Variants in ERGIC1 observed in about 807,000 individuals in gnomAD.
ERGIC1 encodes the protein endoplasmic reticulum-golgi intermediate compartment 1.
Under a neutral mutation model 38.3 loss-of-function variants are expected in ERGIC1, and 19 were observed. The ratio of observed to expected loss-of-function variants is 0.50; its 90% confidence interval spans 0.35 to 0.73. The LOEUF is 0.73. Among genes scored for constraint, ERGIC1 ranks in the 30% least tolerant of loss-of-function variants. The pLI, the probability that ERGIC1 is intolerant of heterozygous loss-of-function variation, is 0.01. For synonymous variants in ERGIC1, 124 were observed against 157.6 expected (o/e 0.79, Z 1.60); for missense variants, 294 against 389.2 (o/e 0.76, Z 2.06).
intron 1 of ERGIC1, among the ~76,000 whole-genome samples, chr5:172,851,662 TG>T (rs540286364): frequency 2.3e-4 from 35 of 151,420 alleles, no homozygotes; most frequent in African/African-American, 7.5e-4. Flanking sequence ...GACAGGGAGG[TG>T]GGGGGGTATG....
chr5:172,926,605 A>G lies in ERGIC1; in HGVS notation c.541+36A>G, dbSNP rs1250400086. ...CTGCTGGGAACAGCCTTCTGCTCCA[A>G]GATGCCCAGTACAGCAGGCAGGGAG... On this transcript the variant is annotated intron_variant, in intron 7 of 9. Transcript: ENST00000393784. This position sits in a 1 kb window ranked among gnomAD's most constrained non-coding sequence, Gnocchi z 5.2. The G allele has an allele frequency of 6.2e-7, 1 of 1,607,588 alleles. No individual in the cohort carries two copies. The highest frequency in any genetic ancestry group is 8.5e-7 in the Non-Finnish European group (1 of 1,178,936).
chr5:172,877,038 A>G (rs1023640784), intron 1 of ERGIC1, among the ~76,000 whole-genome samples: 2 of 152,198 alleles, frequency 1.3e-5, no homozygotes, highest in Non-Finnish European at 2.9e-5. Context: ...TGCCTAACCT[A>G]AACTTACAAA....
intron 3 of ERGIC1, among the ~76,000 whole-genome samples, chr5:172,902,266 G>A (rs566131849): frequency 6.4e-4 from 97 of 152,178 alleles, no homozygotes; most frequent in Non-Finnish European, 1.0e-3. Context: ...TGGAGGTCAC[G>A]GTGTTCTCAC....
At chr5:172,863,452 C>G (rs1761770718) in intron 1 of ERGIC1, among the ~76,000 whole-genome samples, 1 of 152,146 alleles carries the variant, frequency 6.6e-6, no homozygotes, top group Non-Finnish European at 1.5e-5. Flanking sequence ...GCGCAGCCTC[C>G]CAGAACCACC....
intron 3 of ERGIC1, among the ~76,000 whole-genome samples, chr5:172,908,971 C>T (rs997690371): frequency 6.6e-6 from 1 of 152,098 alleles, no homozygotes; most frequent in Non-Finnish European, 1.5e-5. Flanking sequence ...TTATAAGACC[C>T]CTATTTCTCA....
chr5:172,913,532 T>C (rs1264737975), intron 4 of ERGIC1, among the ~76,000 whole-genome samples: 5 of 152,352 alleles, frequency 3.3e-5, no homozygotes, highest in African/African-American at 1.2e-4. Flanking sequence ...CACTTACTTC[T>C]CTGTCCTCAT....
At chr5:172,850,559 G>A (rs1761379202) in intron 1 of ERGIC1, among the ~76,000 whole-genome samples, 1 of 152,292 alleles carries the variant, frequency 6.6e-6, no homozygotes, top group South Asian at 2.1e-4. Context: ...GGACCTGGGT[G>A]CTGATCCTAG....
chr5:172,856,184 G>A (rs1761544388), intron 1 of ERGIC1, among the ~76,000 whole-genome samples: 1 of 152,192 alleles, frequency 6.6e-6, no homozygotes, highest in African/African-American at 2.4e-5. Flanking sequence ...ATTCCTGTGA[G>A]AGGCTGGACT....
rs1203706049 is a variant in ERGIC1, at chr5:172,896,991, G to A, written c.83-11G>A. On this transcript the variant is annotated splice_polypyrimidine_tract_variant and intron_variant, in intron 2 of 9. Transcript: ENST00000393784. ...ACCCTTAACAGTTTGCATTTCTGTT[G>A]TTTCTTCCAGTCTCCATCTGCTGCT... 6.2e-7 allele frequency: 1 copy of A among 1,613,962 alleles called. No homozygotes were observed. Among genetic ancestry groups the A allele is most frequent in the Admixed American group, 1.7e-5 (1 of 60,008 alleles).
chr5:172,940,658 A>G (rs1003813283), intron 9 of ERGIC1, among the ~76,000 whole-genome samples: 3 of 152,092 alleles, frequency 2.0e-5, no homozygotes, highest in Non-Finnish European at 4.4e-5. Flanking sequence ...ACACCCTCCC[A>G]TTGCGTGCTA....
chr5:172,920,477 A>G, intron 5 of ERGIC1: 1 of 717,542 alleles, frequency 1.4e-6, no homozygotes, highest in Non-Finnish European at 2.6e-6. Flanking sequence ...GGAGGAGGAC[A>G]GGATGGGGTG....
intron 1 of ERGIC1, among the ~76,000 whole-genome samples, chr5:172,856,751 A>G (rs1400699541): frequency 6.6e-6 from 1 of 152,230 alleles, no homozygotes; most frequent in Admixed American, 6.5e-5. Flanking sequence ...CTCCCTGCTG[A>G]GATGACTGCG....
chr5:172,885,747 C>T (rs1321382790), intron 1 of ERGIC1, among the ~76,000 whole-genome samples: 1 of 151,934 alleles, frequency 6.6e-6, no homozygotes, highest in Non-Finnish European at 1.5e-5. Context: ...ACCCACATGC[C>T]CTCCCCACTG....
chr5:172,929,709 A>G (rs971559243), intron 7 of ERGIC1, among the ~76,000 whole-genome samples: 3 of 152,180 alleles, frequency 2.0e-5, no homozygotes, highest in African/African-American at 7.2e-5. Flanking sequence ...TGAGCATGGT[A>G]ACTGCCCAAG....
chr5:172,844,011 C>T (rs188727624), intron 1 of ERGIC1, among the ~76,000 whole-genome samples: 4 of 152,298 alleles, frequency 2.6e-5, no homozygotes, highest in African/African-American at 7.2e-5. Context: ...CTCACCGAGC[C>T]GTGATAGATG....
intron 1 of ERGIC1, among the ~76,000 whole-genome samples, chr5:172,847,748 C>T (rs539398770): frequency 6.6e-6 from 1 of 152,342 alleles, no homozygotes; most frequent in Admixed American, 6.5e-5. Flanking sequence ...CCGTTGACCT[C>T]GTGGTCCACC....
intron 1 of ERGIC1, among the ~76,000 whole-genome samples, chr5:172,863,217 C>G (rs746651506): frequency 6.6e-6 from 1 of 152,190 alleles, no homozygotes; most frequent in Non-Finnish European, 1.5e-5. Context: ...TCCCATAGTG[C>G]TGGGATTACA....
intron 6 of ERGIC1, 31 bp downstream of exon 6, chr5:172,924,140 C>T (rs373775703): frequency 5.4e-5 from 87 of 1,603,844 alleles, no homozygotes; most frequent in Non-Finnish European, 6.7e-5. Context: ...ATGGCATGGC[C>T]GGGGGTGGGC....
At chr5:172,932,167 C>T (rs568112031) in intron 7 of ERGIC1, among the ~76,000 whole-genome samples, 4 of 152,300 alleles carry the variant, frequency 2.6e-5, no homozygotes, top group African/African-American at 9.6e-5. Context: ...CCAACACTCA[C>T]TCTTTCATGG....
Sources: gnomAD v4.1 joint callset for allele counts (sites outside exome capture counted in the v4.1 genomes callset) on GRCh38, gnomAD v4.1.1 for gene constraint, Gnocchi (gnomAD v3.1) non-coding constraint, MANE v1.5 for transcripts, NCBI Gene and HGNC (gene_info 2026-07-23, HGNC 2026-07-21) for gene names.